The following LRMDA variants were observed in gnomAD, a reference collection of about 807,000 sequenced individuals.
The protein encoded by LRMDA is leucine rich melanocyte differentiation associated, also known as leucine-rich melanocyte differentiation-associated protein.
A neutral mutation model predicts 29.8 loss-of-function variants in LRMDA; 18 were observed. The ratio of observed to expected loss-of-function variants is 0.60; its 90% CI spans 0.42 to 0.90. LRMDA has a LOEUF of 0.90. Among genes scored for constraint, LRMDA ranks in the 40% least tolerant of loss-of-function variants. The pLI is 0.00. For synonymous variants in LRMDA, 125 were observed against 109.4 expected, an observed-to-expected ratio of 1.14 and a Z score of -0.89; for missense variants, 273 against 273.9, an observed-to-expected ratio of 1.00 and a Z score of 0.02.
intron 5 of LRMDA, among the ~76,000 whole-genome samples, chr10:76,184,369 T>C (rs1851109032): frequency 6.6e-6 from 1 of 152,148 alleles, no homozygotes; most frequent in Admixed American, 6.5e-5. Flanking sequence ...CTATTCTCCT[T>C]AAGACTGAAG....
At chr10:76,517,645 T>C in intron 6 of LRMDA, among the ~76,000 whole-genome samples, 1 of 151,990 alleles carries the variant, frequency 6.6e-6, no homozygotes, top group Non-Finnish European at 1.5e-5. Flanking sequence ...TGTGAAATGA[T>C]TTAAAGGAAT....
In LRMDA at chr10:75,803,989, G is replaced by A. The variant is rs369517732; in HGVS notation, c.132-232019G>A. On this transcript the variant is annotated intron_variant, in intron 2 of 6. Transcript: ENST00000611255. Reference sequence around the variant, plus strand: ...GGCCTTTGTGGAGTGCCCAGGCAGCGTGTCATGTCCCAGCGCTGTTGTACA... The same window carrying A: ...GGCCTTTGTGGAGTGCCCAGGCAGCATGTCATGTCCCAGCGCTGTTGTACA... Among the ~76,000 whole-genome samples the A allele has an allele frequency of 5.3e-5, 8 of 152,308 alleles. No individual in the cohort carries two copies. In the East Asian group the frequency reaches 1.4e-3, roughly 26 times the overall value.
At chr10:76,341,373 A>G (rs1841039294) in intron 6 of LRMDA, among the ~76,000 whole-genome samples, 1 of 152,232 alleles carries the variant, frequency 6.6e-6, no homozygotes, top group African/African-American at 2.4e-5. Flanking sequence ...TTACTGACAG[A>G]TTAAGTGGGG....
chr10:75,930,519 ACATTCGATGATGGTGATGAT>A (rs1242619547), intron 2 of LRMDA, among the ~76,000 whole-genome samples: 1 of 152,190 alleles, frequency 6.6e-6, no homozygotes, highest in African/African-American at 2.4e-5. Flanking sequence ...TGGTAAGCAG[ACATTCGATGATGGTGATGAT>A]CATGTCTTTG....
At chr10:76,073,515 A>T (rs940720811) in intron 5 of LRMDA, among the ~76,000 whole-genome samples, 2 of 152,196 alleles carry the variant, frequency 1.3e-5, no homozygotes, top group African/African-American at 4.8e-5. Flanking sequence ...CCTGGATTTT[A>T]ACCTTATGTA....
chr10:76,118,168 CT>C (rs1368211969), intron 5 of LRMDA, among the ~76,000 whole-genome samples: 3 of 152,146 alleles, frequency 2.0e-5, no homozygotes, highest in African/African-American at 7.2e-5. Flanking sequence ...CAAATGGTGA[CT>C]AATGATACAG....
chr10:76,399,062 A>T (rs901984577), intron 6 of LRMDA, among the ~76,000 whole-genome samples: 2 of 152,224 alleles, frequency 1.3e-5, no homozygotes, highest in Non-Finnish European at 2.9e-5. Context: ...GAAAGTGATC[A>T]TCACTAATTC....
chr10:75,820,717 A>G (rs545424850), intron 2 of LRMDA, among the ~76,000 whole-genome samples: 3 of 152,362 alleles, frequency 2.0e-5, no homozygotes, highest in East Asian at 1.9e-4. Context: ...CAAAGGATCA[A>G]TGTAATGAAA....
At chr10:75,553,100 G>GC (rs1840172353) in intron 2 of LRMDA, among the ~76,000 whole-genome samples, 1 of 151,448 alleles carries the variant, frequency 6.6e-6, no homozygotes, top group East Asian at 1.9e-4. Context: ...TTTTTTTCTT[G>GC]CTTTTTGTCT....
chr10:75,931,700 G>A (rs1846208598), intron 2 of LRMDA, among the ~76,000 whole-genome samples: 2 of 152,202 alleles, frequency 1.3e-5, no homozygotes. Context: ...CTTTAGCAGA[G>A]AGAAGAGATT....
intron 6 of LRMDA, among the ~76,000 whole-genome samples, chr10:76,327,317 T>C (rs1187329632): frequency 2.0e-5 from 3 of 152,104 alleles, no homozygotes; most frequent in Admixed American, 6.5e-5. Flanking sequence ...GGTCTCGAAC[T>C]CCTGACCTTG....
intron 2 of LRMDA, chr10:75,782,634 A>AT (rs1413483804): frequency 1.3e-6 from 1 of 792,466 alleles, no homozygotes; most frequent in East Asian, 7.4e-5. Context: ...TGGGAATGGC[A>AT]TGTTCTGAGC....
chr10:75,804,650 G>A (rs1253434819), intron 2 of LRMDA, among the ~76,000 whole-genome samples: 1 of 152,218 alleles, frequency 6.6e-6, no homozygotes, highest in African/African-American at 2.4e-5. Flanking sequence ...GTACCTGTGT[G>A]CTGCCATTCC....
intron 6 of LRMDA, among the ~76,000 whole-genome samples, chr10:76,351,066 T>TA (rs1179323716): frequency 6.6e-6 from 1 of 151,916 alleles, no homozygotes; most frequent in Non-Finnish European, 1.5e-5. Flanking sequence ...GAAAGAATCA[T>TA]AAAAAAATAC....
chr10:76,376,859 GGAAGTCTT>G lies in LRMDA; in HGVS notation c.601+52375_601+52382del, dbSNP rs1343696046. Among the ~76,000 whole-genome samples, 5 of 43,424 alleles carry G rather than the reference GGAAGTCTT, an allele frequency of 1.2e-4. 1 individual carries two copies. The highest frequency in any genetic ancestry group is 6.4e-4 in the Admixed American group (2 of 3,120). The allele number at this position is 43,424 out of a possible 152,430, so 28.5% of individuals were successfully genotyped here. ...TTTTTCAAATGTTTGTTGGGCACTT[GGAAGTCTT>G]TTTTTTTTTTTTTTTTTTTTTTTTT... On this transcript the variant is annotated intron_variant, in intron 6 of 6. Transcript: ENST00000611255.
intron 2 of LRMDA, among the ~76,000 whole-genome samples, chr10:75,753,329 A>G (rs549494317): frequency 6.6e-6 from 1 of 152,362 alleles, no homozygotes; most frequent in South Asian, 2.1e-4. Flanking sequence ...GAGACAGGTG[A>G]TAGATAAACA....
intron 2 of LRMDA, among the ~76,000 whole-genome samples, chr10:75,724,145 TTA>T (rs1490428886): frequency 6.6e-6 from 1 of 152,190 alleles, no homozygotes; most frequent in African/African-American, 2.4e-5. Context: ...ACTCATGACA[TTA>T]TATGGTAATT....
intron 5 of LRMDA, among the ~76,000 whole-genome samples, chr10:76,140,710 A>G (rs1280627890): frequency 6.6e-6 from 1 of 151,742 alleles, no homozygotes; most frequent in African/African-American, 2.4e-5. Flanking sequence ...CTCTCTCTGA[A>G]GTTCTCTCAT....
At chr10:76,225,958 C>T (rs1287247277) in intron 5 of LRMDA, among the ~76,000 whole-genome samples, 3 of 146,554 alleles carry the variant, frequency 2.0e-5, no homozygotes, top group Admixed American at 7.1e-5. Flanking sequence ...TTCCCGCCTA[C>T]GAATGAGAAC....
Sources: gnomAD v4.1 joint callset for allele counts (sites outside exome capture counted in the v4.1 genomes callset) on GRCh38, gnomAD v4.1.1 for gene constraint, MANE v1.5 for transcripts, NCBI Gene and HGNC (gene_info 2026-07-23, HGNC 2026-07-21) for gene names.